MACROD2: variants seen among roughly 807,000 people sequenced by gnomAD.
MACROD2 encodes ADP-ribose glycohydrolase MACROD2.
A neutral mutation model predicts 70.4 loss-of-function variants in MACROD2; 36 were observed. The observed-to-expected ratio is 0.51, with a 90% CI of 0.39 to 0.68. MACROD2 has a LOEUF of 0.68. MACROD2 is among the 30% of genes least tolerant of loss of function. The probability of loss-of-function intolerance (pLI) is 0.00; values close to 1 mark genes in which losing one functional copy is unlikely to be tolerated. For synonymous variants in MACROD2, 172 were observed against 178.8 expected (o/e 0.96, Z 0.30); for missense variants, 496 against 538.4 (o/e 0.92, Z 0.78).
intron 3 of MACROD2, among the ~76,000 whole-genome samples, chr20:14,103,011 A>G (rs943044676): frequency 1.3e-5 from 2 of 152,102 alleles, no homozygotes; most frequent in African/African-American, 4.8e-5. Flanking sequence ...AATGTGTTAA[A>G]TTATCATTTT....
At chr20:15,804,927 AG>A (rs1411137024) in intron 8 of MACROD2, among the ~76,000 whole-genome samples, 1 of 152,182 alleles carries the variant, frequency 6.6e-6, no homozygotes, top group Non-Finnish European at 1.5e-5. Context: ...TCCCCTGACC[AG>A]CAGTGAGATA....
intron 8 of MACROD2, among the ~76,000 whole-genome samples, chr20:15,851,120 A>G (rs142911404): frequency 9.9e-4 from 150 of 152,202 alleles, no homozygotes; most frequent in Middle Eastern, 6.8e-3. Context: ...TCAAGTGTCC[A>G]TGGAAGTAGA....
intron 8 of MACROD2, among the ~76,000 whole-genome samples, chr20:15,816,887 T>G (rs2063882116): frequency 6.6e-6 from 1 of 152,174 alleles, no homozygotes; most frequent in Admixed American, 6.6e-5. Flanking sequence ...TAGTGATAAA[T>G]TGATAAACCC....
chr20:14,071,252 G>GTGTTTTT, intron 2 of MACROD2, among the ~76,000 whole-genome samples: 1 of 63,956 alleles, frequency 1.6e-5, no homozygotes, highest in African/African-American at 6.3e-5. Flanking sequence ...TTCATCTTGT[G>GTGTTTTT]TTTTTTTTTT....
chr20:15,833,806 C>G (rs2064083731), intron 8 of MACROD2, among the ~76,000 whole-genome samples: 1 of 152,152 alleles, frequency 6.6e-6, no homozygotes, highest in South Asian at 2.1e-4. Context: ...AAATAGATTT[C>G]TGTGTTGCTG....
At chr20:14,484,611 T>C (rs2084700898) in intron 3 of MACROD2, among the ~76,000 whole-genome samples, 1 of 138,794 alleles carries the variant, frequency 7.2e-6, no homozygotes, top group African/African-American at 2.7e-5. Context: ...CAGTGTCTGG[T>C]AACCACCCTT....
chr20:15,233,967 T>TA (rs1568657240), intron 6 of MACROD2, among the ~76,000 whole-genome samples: 1,008 of 48,370 alleles, frequency 0.021, 35 homozygotes, highest in Middle Eastern at 0.033. Flanking sequence ...AAAAATTTAT[T>TA]TTTATATATA....
chr20:14,656,833 T>C (rs903399585), intron 4 of MACROD2, among the ~76,000 whole-genome samples: 4 of 152,190 alleles, frequency 2.6e-5, no homozygotes, highest in African/African-American at 4.8e-5. Context: ...AATTGATGTC[T>C]GTCCTCTATT....
intron 5 of MACROD2, among the ~76,000 whole-genome samples, chr20:15,164,744 T>A (rs909425892): frequency 1.3e-5 from 2 of 151,830 alleles, no homozygotes; most frequent in African/African-American, 4.8e-5. Flanking sequence ...AAAAATAATT[T>A]AAAAAAGTTA....
chr20:14,121,063 G>A (rs6042541), intron 3 of MACROD2, among the ~76,000 whole-genome samples: 6,221 of 152,132 alleles, frequency 0.041, 168 homozygotes, highest in African/African-American at 0.08. Context: ...TATAATGTAA[G>A]TGTGTGATAA....
intron 8 of MACROD2, among the ~76,000 whole-genome samples, chr20:15,522,014 G>A (rs935757990): frequency 6.6e-6 from 1 of 152,232 alleles, no homozygotes; most frequent in Non-Finnish European, 1.5e-5. Flanking sequence ...TTGGACTTAA[G>A]TTGCTGAAGA....
chr20:15,486,805 T>C (rs1407754504), intron 7 of MACROD2, among the ~76,000 whole-genome samples: 1 of 152,240 alleles, frequency 6.6e-6, no homozygotes, highest in African/African-American at 2.4e-5. Flanking sequence ...TGAAACATTG[T>C]GTGTTCACCA....
At position 15,321,974 on chromosome 20, in the gene MACROD2, G is replaced by A. The variant is rs2077878290; in HGVS notation, c.540+91913G>A. Among the ~76,000 whole-genome samples the A allele has an allele frequency of 1.4e-5, 2 of 143,216 alleles. 1 individual carries two copies. The highest frequency in any genetic ancestry group is 4.7e-4 in the South Asian group (2 of 4,292). The allele number at this position is 143,216 out of a possible 152,430, so 94.0% of individuals were successfully genotyped here. On this transcript the variant is annotated intron_variant, in intron 6 of 17. Coordinates refer to ENST00000684519, the MANE Select transcript of MACROD2 (RefSeq NM_001351661.2). Reference sequence around the variant, plus strand: ...TGCCCAGCTAATTATTGTATTTTTAGTAGAGACAGGTATTCACCATGTTGG... The same window carrying A: ...TGCCCAGCTAATTATTGTATTTTTAATAGAGACAGGTATTCACCATGTTGG...
chr20:14,052,745 T>G (rs2053584531), intron 2 of MACROD2, among the ~76,000 whole-genome samples: 1 of 152,154 alleles, frequency 6.6e-6, no homozygotes, highest in Non-Finnish European at 1.5e-5. Context: ...TCAGAGGTTT[T>G]CTAAGAAATT....
rs147619725 is a variant in MACROD2, at chr20:15,770,698, A to G, written c.646-92047A>G. 5.9e-3 allele frequency among the ~76,000 whole-genome samples: 897 copies of G among 152,168 alleles called. 5 individuals are homozygous for G. The highest frequency in any genetic ancestry group is 0.021 in the African/African-American group (869 of 41,536). On this transcript the variant is annotated intron_variant, in intron 8 of 17. Coordinates refer to ENST00000684519, the MANE Select transcript of MACROD2 (RefSeq NM_001351661.2). ...TGTTTTTTTAATTCACGTGTGCTGG[A>G]GCAGACCTGCCTTAGGCTGTAGGTC...
chr20:16,013,047 G>C (rs1436013520), intron 15 of MACROD2, among the ~76,000 whole-genome samples: 1 of 152,270 alleles, frequency 6.6e-6, no homozygotes, highest in Non-Finnish European at 1.5e-5. Flanking sequence ...GGGCATGGTG[G>C]CGTGTGCCTG....
intron 3 of MACROD2, among the ~76,000 whole-genome samples, chr20:14,298,012 G>A (rs1223502452): frequency 6.6e-6 from 1 of 151,884 alleles, no homozygotes; most frequent in Non-Finnish European, 1.5e-5. Context: ...CCTGTGCTCT[G>A]TAAATGGAAG....
intron 7 of MACROD2, among the ~76,000 whole-genome samples, chr20:15,459,109 T>C (rs1307921473): frequency 6.6e-6 from 1 of 152,116 alleles, no homozygotes; most frequent in Admixed American, 6.6e-5. Context: ...AGTGGAAACA[T>C]TTCTTGAGGG....
At chr20:14,298,777 A>G (rs1479472504) in intron 3 of MACROD2, among the ~76,000 whole-genome samples, 4 of 152,104 alleles carry the variant, frequency 2.6e-5, no homozygotes, top group African/African-American at 9.7e-5. Flanking sequence ...CTTATGGATG[A>G]CTTTGAAGAG....
Sources: gnomAD v4.1 joint callset for allele counts (sites outside exome capture counted in the v4.1 genomes callset) on GRCh38, gnomAD v4.1.1 for gene constraint, MANE v1.5 for transcripts, NCBI Gene and HGNC (gene_info 2026-07-23, HGNC 2026-07-21) for gene names.